The following ZBTB20 variants were observed in gnomAD, a reference collection of about 807,000 sequenced individuals.
The protein encoded by ZBTB20 is zinc finger and BTB domain-containing protein 20.
In ZBTB20, 9 loss-of-function variants were observed where a neutral mutation model predicts 56.9. The observed-to-expected ratio is 0.16, with a 90% confidence interval of 0.10 to 0.28. The LOEUF (loss-of-function observed/expected upper bound fraction) is 0.28. Among genes scored for constraint, ZBTB20 ranks in the 10% least tolerant of loss-of-function variants. The pLI is 1.00. For synonymous variants in ZBTB20, 417 were observed against 420.7 expected (o/e 0.99, Z 0.11); for missense variants, 655 against 1,003.0 (o/e 0.65, Z 4.69).
intron 4 of ZBTB20, 35 bp from the exon 5 acceptor site, chr3:114,801,209 T>C (rs2071681652): frequency 6.6e-6 from 1 of 151,660 alleles, no homozygotes; most frequent in Non-Finnish European, 1.5e-5. Context: ...CTTTCAGTTA[T>C]AATTGGTATT....
At chr3:114,385,227 C>T (rs893562918) in intron 8 of ZBTB20, among the ~76,000 whole-genome samples, 4 of 152,136 alleles carry the variant, frequency 2.6e-5, no homozygotes, top group African/African-American at 9.7e-5. Flanking sequence ...GGAGTCGTAA[C>T]AATTTCCCTA....
intron 1 of ZBTB20, among the ~76,000 whole-genome samples, chr3:115,091,031 C>T (rs2083173287): frequency 6.6e-6 from 1 of 151,764 alleles, no homozygotes; most frequent in Admixed American, 6.6e-5. Flanking sequence ...GTTCATCTTA[C>T]TATATAAGTT....
chr3:115,018,268 C>T (rs528823553), intron 2 of ZBTB20, among the ~76,000 whole-genome samples: 3 of 150,170 alleles, frequency 2.0e-5, no homozygotes, highest in Non-Finnish European at 4.4e-5. Flanking sequence ...AGTATCATTG[C>T]TATCCTTTAA....
At chr3:114,702,221 T>C (rs893884888) in intron 5 of ZBTB20, among the ~76,000 whole-genome samples, 14 of 152,102 alleles carry the variant, frequency 9.2e-5, no homozygotes, top group Non-Finnish European at 1.8e-4. Flanking sequence ...CACGTGCCTA[T>C]AGTCCCAGCT....
At chr3:114,567,747 G>A (rs984614534) in intron 6 of ZBTB20, among the ~76,000 whole-genome samples, 11 of 151,988 alleles carry the variant, frequency 7.2e-5, no homozygotes, top group African/African-American at 4.8e-5. Context: ...TTCACCAAAC[G>A]GAACTGACAA....
At chr3:114,958,528 T>TA (rs991473804) in intron 3 of ZBTB20, among the ~76,000 whole-genome samples, 12 of 152,230 alleles carry the variant, frequency 7.9e-5, no homozygotes, top group African/African-American at 2.9e-4. Context: ...TTAAAAATCT[T>TA]AGTTACCTTT....
chr3:114,558,694 T>C (rs565622393), intron 6 of ZBTB20, among the ~76,000 whole-genome samples: 1 of 152,262 alleles, frequency 6.6e-6, no homozygotes, highest in Non-Finnish European at 1.5e-5. Context: ...TTTCTTTCAA[T>C]GTGACATTAG....
rs2077046807 is a variant in ZBTB20 at position 114,950,968 on chromosome 3, T to G, written c.-456+23398A>C. Among the ~76,000 whole-genome samples, 4 of 152,250 alleles carry G rather than the reference T, an allele frequency of 2.6e-5. No homozygotes were observed. The South Asian group carries it at 8.3e-4, about 32-fold the overall frequency. ...AGAATATATAATCACATGATTCTAT[T>G]TCTATATTTTTCAAAAATAAACTAA... On this transcript the variant is annotated intron_variant, in intron 3 of 11. Transcript: ENST00000675478.
rs183296722 is a variant in ZBTB20 at position 114,993,275 on chromosome 3, T to C, written c.-506-18859A>G. ...AAGAAGAGATGGAGAAACAGATATG[T>C]AGAAAAAATATTTATAGAAAGACTC... On this transcript the variant is annotated intron_variant, in intron 2 of 11. Transcript: ENST00000675478. Among the ~76,000 whole-genome samples the C allele has an allele frequency of 5.9e-5, 9 of 151,874 alleles. No homozygotes were observed. In the East Asian group the frequency reaches 1.6e-3, roughly 26 times the overall value.
chr3:114,464,670 C>T (rs2092465825), intron 7 of ZBTB20, among the ~76,000 whole-genome samples: 2 of 152,100 alleles, frequency 1.3e-5, no homozygotes, highest in African/African-American at 4.8e-5. Context: ...CTGCTCAATT[C>T]TGGTCAAGGA....
intron 6 of ZBTB20, among the ~76,000 whole-genome samples, chr3:114,639,264 T>C (rs2059431816): frequency 6.6e-6 from 1 of 151,932 alleles, no homozygotes; most frequent in South Asian, 2.1e-4. Flanking sequence ...AAACATAAGG[T>C]GTGATTTAAT....
At chr3:115,056,321 G>C (rs1325037856) in intron 2 of ZBTB20, among the ~76,000 whole-genome samples, 1 of 152,098 alleles carries the variant, frequency 6.6e-6, no homozygotes, top group African/African-American at 2.4e-5. Flanking sequence ...TTATCGATGA[G>C]AGGGTAGAGA....
At chr3:114,686,019 A>G (rs2062321931) in intron 6 of ZBTB20, among the ~76,000 whole-genome samples, 2 of 152,178 alleles carry the variant, frequency 1.3e-5, no homozygotes, top group South Asian at 4.1e-4. Flanking sequence ...TGAATTTTTT[A>G]TATTTTAAAA....
At chr3:115,027,610 A>C (rs1396630520) in intron 2 of ZBTB20, 1 of 151,014 alleles carries the variant, frequency 6.6e-6, no homozygotes, top group Non-Finnish European at 1.5e-5. Context: ...TTACTTCACA[A>C]AATATTCTGT....
rs557618788 is a variant in ZBTB20, at chr3:114,593,780, GGGTCTCTCTGTTGAGTGGT to G, written c.-294-93408_-294-93390del. On this transcript the variant is annotated intron_variant, in intron 6 of 11. Transcript: ENST00000675478. The stretch of plus-strand genomic sequence containing the variant: ...CTAGTGTCTTTTGGAGCAAGGGTGT[GGGTCTCTCTGTTGAGTGGT>G]GCCTATCATTAGGCATCACAGCAAC... Among the ~76,000 whole-genome samples, 6 of 152,138 alleles carry G rather than the reference GGGTCTCTCTGTTGAGTGGT, an allele frequency of 3.9e-5. No individual in the cohort carries two copies. In the South Asian group the frequency reaches 1.2e-3, roughly 32 times the overall value.
chr3:115,121,457 T>C (rs1050928251), intron 1 of ZBTB20, among the ~76,000 whole-genome samples: 2 of 151,912 alleles, frequency 1.3e-5, no homozygotes, highest in Non-Finnish European at 2.9e-5. Flanking sequence ...TATTCATTGA[T>C]ACTCTAGCCA....
At chr3:114,938,113 A>G (rs28856008) in intron 3 of ZBTB20, among the ~76,000 whole-genome samples, 1,740 of 131,174 alleles carry the variant, frequency 0.013, 59 homozygotes, top group African/African-American at 0.063. Flanking sequence ...GTGAGACTCC[A>G]TCTCAAAAAA....
intron 10 of ZBTB20, among the ~76,000 whole-genome samples, chr3:114,365,372 G>T (rs1365528665): frequency 6.6e-6 from 1 of 152,194 alleles, no homozygotes; most frequent in African/African-American, 2.4e-5. Context: ...TGGGCATGAA[G>T]CATCTCTCTT....
chr3:114,990,544 A>T (rs1170627372), intron 2 of ZBTB20, among the ~76,000 whole-genome samples: 2 of 152,252 alleles, frequency 1.3e-5, no homozygotes, highest in African/African-American at 4.8e-5. Flanking sequence ...TGTTTTCATC[A>T]GGGATATTGG....
Sources: gnomAD v4.1 joint callset for allele counts (sites outside exome capture counted in the v4.1 genomes callset) on GRCh38, gnomAD v4.1.1 for gene constraint, MANE v1.5 for transcripts, NCBI Gene and HGNC (gene_info 2026-07-23, HGNC 2026-07-21) for gene names.